The following CNTN1 variants were observed in gnomAD, a reference collection of about 807,000 sequenced individuals.
CNTN1 encodes the protein contactin 1, also known as contactin-1.
Under a neutral mutation model 126.4 loss-of-function variants are expected in CNTN1, and 38 were observed. That is an observed-to-expected ratio of 0.30 (90% CI 0.23 to 0.39). The LOEUF (loss-of-function observed/expected upper bound fraction) is 0.39. Ranked by LOEUF, CNTN1 falls within the 10% of genes least tolerant of loss-of-function variation. The pLI, the probability that CNTN1 is intolerant of heterozygous loss-of-function variation, is 1.00. For missense variants in CNTN1, 1,009 were observed against 1,248.4 expected (o/e 0.81, Z 2.89); for synonymous variants, 413 against 422.6 (o/e 0.98, Z 0.28).
In CNTN1 at chr12:40,993,150, C is replaced by G. The variant is rs747871958; in HGVS notation, c.1994C>G (p.Ala665Gly). The change falls in exon 17 of 24, where the codon GCA becomes GGA. Residue 665 changes from alanine (A) to glycine (G), a missense_variant. Transcript: ENST00000551295. ...CCAATTATTGAAGGAAATATGGAGG[C>G]AGCAAGAGCAGTGGACTTAATCCCA... ...DPPIIEGNME[A>G]ARAVDLIPWM... is the part of the protein sequence containing the mutation. 6.2e-7 allele frequency: 1 copy of G among 1,613,458 alleles called. No homozygotes were observed. Among genetic ancestry groups the G allele is most frequent in the Non-Finnish European group, 8.5e-7 (1 of 1,179,434 alleles).
chr12:40,874,909 C>A (rs1156652873), intron 1 of CNTN1, among the ~76,000 whole-genome samples: 1 of 152,104 alleles, frequency 6.6e-6, no homozygotes, highest in Non-Finnish European at 1.5e-5. Flanking sequence ...TTATTATCTA[C>A]AATGTACAGA....
At chr12:40,778,548 T>G (rs959061864) in intron 1 of CNTN1, among the ~76,000 whole-genome samples, 8 of 151,874 alleles carry the variant, frequency 5.3e-5, no homozygotes, top group African/African-American at 1.9e-4. Context: ...AGACAAAAAA[T>G]ATTATATTAA....
intron 3 of CNTN1, among the ~76,000 whole-genome samples, chr12:40,915,152 T>C (rs1945185892): frequency 6.6e-6 from 1 of 152,102 alleles, no homozygotes; most frequent in Non-Finnish European, 1.5e-5. Flanking sequence ...TCAAAAGAAA[T>C]ACTTAAGACT....
intron 1 of CNTN1, among the ~76,000 whole-genome samples, chr12:40,735,699 C>T (rs898546213): frequency 6.6e-6 from 1 of 152,052 alleles, no homozygotes; most frequent in Non-Finnish European, 1.5e-5. Context: ...GAAGAGCTGT[C>T]AAATGCAATA....
Position 40,918,763 on chromosome 12 carries a change from G to T in CNTN1, c.219G>T (p.Pro73=), listed in dbSNP as rs1162619112. The change falls in exon 4 of 24, where the codon CCG becomes CCT. Residue 73 remains proline (P), a synonymous_variant. Transcript: ENST00000551295. ...GTAGGGCACGAGCCAGCCCTTTCCCGGTTTACAAGTAATGTACCTCGCTTC... is the reference window on the plus strand; with the variant it reads ...GTAGGGCACGAGCCAGCCCTTTCCCTGTTTACAAGTAATGTACCTCGCTTC... The part of the protein sequence containing the change: ...LNCRARASPF[P]VYKWRMNNGD... 3 of 1,613,366 alleles carry T rather than the reference G, an allele frequency of 1.9e-6. No homozygotes were observed. Among genetic ancestry groups the T allele is most frequent in the Non-Finnish European group, 1.7e-6 (2 of 1,179,556 alleles).
chr12:40,931,689 G>A (rs1434662610), intron 7 of CNTN1, among the ~76,000 whole-genome samples: 3 of 151,868 alleles, frequency 2.0e-5, no homozygotes, highest in Non-Finnish European at 4.4e-5. Flanking sequence ...AATTTCCACT[G>A]ATCTTCAGGA....
intron 1 of CNTN1, among the ~76,000 whole-genome samples, chr12:40,709,170 A>T (rs1177882699): frequency 2.0e-5 from 3 of 152,210 alleles, no homozygotes; most frequent in African/African-American, 4.8e-5. Context: ...TGCAGAATGG[A>T]TGTTATGTTA....
At chr12:40,936,344 AAATGAAGATAATGT>A (rs1313045668) in intron 9 of CNTN1, among the ~76,000 whole-genome samples, 42 of 152,288 alleles carry the variant, frequency 2.8e-4, no homozygotes, top group African/African-American at 9.9e-4. Flanking sequence ...AGTTCCATCA[AAATGAAGATAATGT>A]ATACCTGAGG....
At chr12:40,852,406 G>T (rs1226644519) in intron 1 of CNTN1, among the ~76,000 whole-genome samples, 1 of 152,100 alleles carries the variant, frequency 6.6e-6, no homozygotes, top group African/African-American at 2.4e-5. Context: ...CTCTCTCTGG[G>T]ACCAGTGCTC....
At chr12:41,006,321 G>T (rs540182597) in intron 17 of CNTN1, among the ~76,000 whole-genome samples, 3 of 152,302 alleles carry the variant, frequency 2.0e-5, no homozygotes, top group East Asian at 1.9e-4. Context: ...AGCTGTAGCA[G>T]AGTGCTAACA....
intron 1 of CNTN1, among the ~76,000 whole-genome samples, chr12:40,813,700 G>A (rs1314481845): frequency 1.3e-5 from 2 of 152,168 alleles, no homozygotes; most frequent in South Asian, 2.1e-4. Context: ...ATTCCTTTGG[G>A]TATATACCCA....
At chr12:41,030,633 A>AAAG (rs1949127642) in intron 23 of CNTN1, among the ~76,000 whole-genome samples, 1 of 152,136 alleles carries the variant, frequency 6.6e-6, no homozygotes, top group Non-Finnish European at 1.5e-5. Flanking sequence ...CAAACTCATT[A>AAAG]AAGTTTTTTT....
At chr12:40,818,871 T>C (rs1010652358) in intron 1 of CNTN1, among the ~76,000 whole-genome samples, 3 of 152,118 alleles carry the variant, frequency 2.0e-5, no homozygotes, top group African/African-American at 7.2e-5. Context: ...GCCTTTTTGT[T>C]TTTGTTGTTG....
chr12:40,785,541 G>A (rs7315033), intron 1 of CNTN1, among the ~76,000 whole-genome samples: 146,220 of 152,144 alleles, frequency 0.96, 70,510 homozygotes, highest in East Asian at 1. Flanking sequence ...ATTAGTTCTT[G>A]TAGGTTTTGG....
intron 3 of CNTN1, among the ~76,000 whole-genome samples, chr12:40,916,867 C>A (rs970982361): frequency 6.6e-6 from 1 of 152,006 alleles, no homozygotes; most frequent in Non-Finnish European, 1.5e-5. Flanking sequence ...GTCTCAGTTC[C>A]TCTCATTCTT....
chr12:41,065,126 G>T (rs931593872), intron 23 of CNTN1, among the ~76,000 whole-genome samples: 2 of 151,974 alleles, frequency 1.3e-5, no homozygotes, highest in Non-Finnish European at 2.9e-5. Flanking sequence ...CGCCATCTCC[G>T]CTCACTGCAA....
At chr12:40,785,052 A>G (rs1480042332) in intron 1 of CNTN1, among the ~76,000 whole-genome samples, 2 of 152,176 alleles carry the variant, frequency 1.3e-5, no homozygotes, top group Non-Finnish European at 2.9e-5. Context: ...AATGTAAAAA[A>G]TAAAATAGAC....
At chr12:40,918,519 T>C (rs1945324621) in intron 3 of CNTN1, 120 bp from the exon 4 acceptor site, 1 of 912,284 alleles carries the variant, frequency 1.1e-6, no homozygotes. Flanking sequence ...AATATCTTTG[T>C]TTTGAATTAA....
chr12:40,801,573 C>T (rs1011316274), intron 1 of CNTN1, among the ~76,000 whole-genome samples: 5 of 151,744 alleles, frequency 3.3e-5, no homozygotes, highest in African/African-American at 1.2e-4. Flanking sequence ...GCCAAGTAAA[C>T]ATTTGGAGAA....
Sources: allele counts gnomAD v4.1 joint callset (sites outside exome capture counted in the v4.1 genomes callset), GRCh38; gene constraint gnomAD v4.1.1; transcripts MANE v1.5; gene names NCBI Gene and HGNC (gene_info 2026-07-23, HGNC 2026-07-21).